CNTNAP2: variants seen among roughly 807,000 people sequenced by gnomAD.
CNTNAP2 encodes contactin associated protein 2, also known as contactin-associated protein-like 2.
Under a neutral mutation model 155.2 loss-of-function variants are expected in CNTNAP2, and 98 were observed. The ratio of observed to expected loss-of-function variants is 0.63; its 90% CI spans 0.54 to 0.75. The LOEUF (loss-of-function observed/expected upper bound fraction) is 0.75. Ranked by LOEUF, CNTNAP2 falls within the 30% of genes least tolerant of loss-of-function variation. The probability of loss-of-function intolerance (pLI) is 0.00; values close to 1 mark genes in which losing one functional copy is unlikely to be tolerated. For missense variants in CNTNAP2, 1,727 were observed against 1,688.1 expected (o/e 1.02, Z -0.40); for synonymous variants, 651 against 631.2 (o/e 1.03, Z -0.47).
chr7:146,488,013 A>G (rs937680535), intron 1 of CNTNAP2, among the ~76,000 whole-genome samples: 3 of 152,340 alleles, frequency 2.0e-5, no homozygotes, highest in Middle Eastern at 3.4e-3. Context: ...ACTAATGGCT[A>G]AAACCAAATA....
intron 3 of CNTNAP2, among the ~76,000 whole-genome samples, chr7:146,966,978 A>G (rs1392295020): frequency 6.6e-6 from 1 of 152,326 alleles, no homozygotes; most frequent in East Asian, 1.9e-4. Context: ...AAAGGAAGTG[A>G]AGCACTTGGT....
intron 14 of CNTNAP2, among the ~76,000 whole-genome samples, chr7:147,921,406 CTAT>C (rs774897425): frequency 6.6e-6 from 1 of 152,128 alleles, no homozygotes; most frequent in Non-Finnish European, 1.5e-5. Context: ...TTATTATTTT[CTAT>C]TATTATTATT....
At chr7:146,769,912 G>A (rs1257440574) in intron 1 of CNTNAP2, among the ~76,000 whole-genome samples, 1 of 152,100 alleles carries the variant, frequency 6.6e-6, no homozygotes, top group Non-Finnish European at 1.5e-5. Context: ...GCAGGCCATA[G>A]TTTTCTAACT....
chr7:147,304,431 G>T (rs17170407), intron 9 of CNTNAP2, among the ~76,000 whole-genome samples: 1 of 152,052 alleles, frequency 6.6e-6, no homozygotes, highest in Non-Finnish European at 1.5e-5. Flanking sequence ...GATACAGGCC[G>T]GAATCCATGG....
intron 12 of CNTNAP2, among the ~76,000 whole-genome samples, chr7:147,613,898 A>G (rs1456154454): frequency 1.3e-5 from 2 of 152,178 alleles, no homozygotes; most frequent in Admixed American, 6.6e-5. Flanking sequence ...ATGGATTTTG[A>G]AGGTCTGTGT....
chr7:147,969,854 AGTCT>A (rs1370597159), intron 14 of CNTNAP2, among the ~76,000 whole-genome samples: 2 of 152,058 alleles, frequency 1.3e-5, no homozygotes, highest in African/African-American at 4.8e-5. Flanking sequence ...TTCTGGGTAA[AGTCT>A]GTCTATTTTT....
chr7:146,772,312 A>G (rs1054869267), intron 1 of CNTNAP2, among the ~76,000 whole-genome samples: 1 of 152,016 alleles, frequency 6.6e-6, no homozygotes, highest in Non-Finnish European at 1.5e-5. Context: ...ACAAGAGAGG[A>G]TACTTGGAGT....
chr7:147,063,213 A>G (rs944627838), intron 4 of CNTNAP2, among the ~76,000 whole-genome samples: 1 of 152,230 alleles, frequency 6.6e-6, no homozygotes, highest in Non-Finnish European at 1.5e-5. Context: ...ATTTAAGGTA[A>G]CATGTACGTT....
chr7:147,669,115 G>A (rs1584889605), intron 13 of CNTNAP2, among the ~76,000 whole-genome samples: 1 of 152,276 alleles, frequency 6.6e-6, no homozygotes, highest in Non-Finnish European at 1.5e-5. Flanking sequence ...ATATAGCCTA[G>A]CTGTGTAGCA....
intron 15 of CNTNAP2, among the ~76,000 whole-genome samples, chr7:147,991,514 A>G (rs1305514126): frequency 6.6e-6 from 1 of 152,078 alleles, no homozygotes; most frequent in African/African-American, 2.4e-5. Flanking sequence ...ATCTTAACTA[A>G]ATGAAAACTT....
At chr7:146,133,156 A>G (rs1456099667) in intron 1 of CNTNAP2, among the ~76,000 whole-genome samples, 1 of 151,818 alleles carries the variant, frequency 6.6e-6, no homozygotes, top group Non-Finnish European at 1.5e-5. Context: ...CATTTCTCTG[A>G]TGGCCAGTGA....
intron 8 of CNTNAP2, among the ~76,000 whole-genome samples, chr7:147,190,819 T>C (rs1802664881): frequency 6.6e-6 from 1 of 152,224 alleles, no homozygotes; most frequent in African/African-American, 2.4e-5. Flanking sequence ...TGTAACATTA[T>C]ACTTACATAA....
chr7:146,203,116 A>G (rs1416878689), intron 1 of CNTNAP2, among the ~76,000 whole-genome samples: 4 of 151,874 alleles, frequency 2.6e-5, no homozygotes, highest in Non-Finnish European at 5.9e-5. Context: ...TTTGTGACCA[A>G]GTGAGCTTGG....
At chr7:147,594,609 C>G (rs1418081906) in intron 12 of CNTNAP2, among the ~76,000 whole-genome samples, 1 of 152,164 alleles carries the variant, frequency 6.6e-6, no homozygotes, top group East Asian at 1.9e-4. Flanking sequence ...TCCACCCCTT[C>G]CAAGTCAAGG....
intron 8 of CNTNAP2, among the ~76,000 whole-genome samples, chr7:147,288,800 A>C (rs2116741936): frequency 6.6e-6 from 1 of 152,296 alleles, no homozygotes; most frequent in South Asian, 2.1e-4. Flanking sequence ...TGTATTTAAA[A>C]CCTGAAACCC....
intron 3 of CNTNAP2, among the ~76,000 whole-genome samples, chr7:146,903,625 T>G (rs963280455): frequency 6.6e-6 from 1 of 152,206 alleles, no homozygotes; most frequent in African/African-American, 2.4e-5. Context: ...ATCCTCCTGT[T>G]GCAATCTCCT....
chr7:146,323,266 T>C (rs1801037182), intron 1 of CNTNAP2, among the ~76,000 whole-genome samples: 1 of 152,164 alleles, frequency 6.6e-6, no homozygotes, highest in Non-Finnish European at 1.5e-5. Flanking sequence ...TTAATTATGC[T>C]TTGTCTAAAG....
chr7:146,551,337 G>T lies in CNTNAP2; in HGVS notation c.98-222934G>T, dbSNP rs802021. On this transcript the variant is annotated intron_variant, in intron 1 of 23. Coordinates refer to ENST00000361727, the MANE Select transcript of CNTNAP2 (RefSeq NM_014141.6). The stretch of plus-strand genomic sequence containing the variant: ...CAGTGTGTGATGTTCCCCTTCCTGT[G>T]TCCATGTGTTCTTATTGTTCAATTC... 2.0e-5 allele frequency among the ~76,000 whole-genome samples: 3 copies of T among 151,672 alleles called. No homozygotes were observed. In the South Asian group the frequency reaches 6.3e-4, roughly 32 times the overall value.
intron 1 of CNTNAP2, among the ~76,000 whole-genome samples, chr7:146,655,444 A>C (rs2129164802): frequency 6.6e-6 from 1 of 151,390 alleles, no homozygotes; most frequent in South Asian, 2.1e-4. Context: ...AGAAAGAAAA[A>C]TATATCTTTA....
Sources: gnomAD v4.1 joint callset for allele counts (sites outside exome capture counted in the v4.1 genomes callset) on GRCh38, gnomAD v4.1.1 for gene constraint, MANE v1.5 for transcripts, NCBI Gene and HGNC (gene_info 2026-07-23, HGNC 2026-07-21) for gene names.